Variants in COL26A1 observed in about 807,000 individuals in gnomAD.
The protein encoded by COL26A1 is collagen type XXVI alpha 1 chain.
A neutral mutation model predicts 59.3 loss-of-function variants in COL26A1; 41 were observed. The ratio of observed to expected loss-of-function variants is 0.69; its 90% CI spans 0.54 to 0.90. COL26A1 has a LOEUF of 0.90. Among genes scored for constraint, COL26A1 ranks in the 40% least tolerant of loss-of-function variants. COL26A1 has a pLI of 0.00. For missense variants in COL26A1, 612 were observed against 602.3 expected (o/e 1.02, Z -0.17); for synonymous variants, 266 against 256.0 (o/e 1.04, Z -0.37).
intron 7 of COL26A1, among the ~76,000 whole-genome samples, 188 bp downstream of exon 7, chr7:101,545,678 G>C (rs1265412593): frequency 1.3e-5 from 2 of 152,184 alleles, no homozygotes; most frequent in Non-Finnish European, 2.9e-5. Context: ...TGCCAGTGAC[G>C]ATGACAGGGA....
intron 2 of COL26A1, among the ~76,000 whole-genome samples, chr7:101,432,894 G>T (rs1230399982): frequency 6.6e-6 from 1 of 151,996 alleles, no homozygotes; most frequent in African/African-American, 2.4e-5. Context: ...TAGAGACAGG[G>T]TTTCGCCATA....
intron 2 of COL26A1, among the ~76,000 whole-genome samples, chr7:101,443,635 A>G (rs1050663107): frequency 3.3e-5 from 5 of 152,206 alleles, no homozygotes; most frequent in Non-Finnish European, 5.9e-5. Context: ...CAATGCACGT[A>G]AAGTGAATAA....
chr7:101,419,172 A>G (rs1464606273), intron 1 of COL26A1, among the ~76,000 whole-genome samples: 1 of 146,630 alleles, frequency 6.8e-6, no homozygotes, highest in Admixed American at 7.1e-5. Flanking sequence ...GCTGTAGTGA[A>G]GTAGCATGAT....
At chr7:101,371,222 G>T (rs982623525) in intron 1 of COL26A1, among the ~76,000 whole-genome samples, 3 of 152,330 alleles carry the variant, frequency 2.0e-5, no homozygotes, top group South Asian at 4.1e-4. Context: ...CTGGTGGCCT[G>T]CATGGAGGAA....
Position 101,540,041 on chromosome 7 carries a change from G to T in COL26A1, c.596G>T (p.Gly199Val). 6.2e-7 allele frequency: 1 copy of T among 1,612,004 alleles called. No individual in the cohort carries two copies. The highest frequency in any genetic ancestry group is 1.1e-5 in the South Asian group (1 of 90,946). The change falls in exon 5 of 13, where the codon GGC becomes GTC. Residue 199 changes from glycine (G) to valine (V), a missense_variant. By Grantham distance (109) the Gly-to-Val change is moderately radical (BLOSUM62 -3). Coordinates refer to ENST00000313669, the MANE Select transcript of COL26A1 (RefSeq NM_001278563.3). ...HPVPRQRRPTGPAGPPGQTGP... is the reference protein window; with the variant it reads ...HPVPRQRRPTVPAGPPGQTGP... The stretch of plus-strand genomic sequence containing the variant: ...GTGCCACGACAGAGAAGGCCCACGG[G>T]CCCAGCCGGTGAGTGAGGGCTGCAG...
intron 1 of COL26A1, among the ~76,000 whole-genome samples, chr7:101,403,853 T>C (rs1429658959): frequency 3.3e-5 from 5 of 152,172 alleles, no homozygotes; most frequent in Non-Finnish European, 5.9e-5. Context: ...CCCAGCACTT[T>C]GGGAAGCCTA....
intron 1 of COL26A1, among the ~76,000 whole-genome samples, chr7:101,375,033 C>A (rs1178386686): frequency 6.6e-6 from 1 of 151,444 alleles, no homozygotes; most frequent in Non-Finnish European, 1.5e-5. Context: ...GCACTCCAGC[C>A]TGGGTGACAG....
At chr7:101,487,540 G>A (rs755316587) in intron 3 of COL26A1, among the ~76,000 whole-genome samples, 6 of 152,002 alleles carry the variant, frequency 3.9e-5, no homozygotes, top group African/African-American at 1.2e-4. Flanking sequence ...GGGCACACTC[G>A]AGGGGCCCCA....
intron 1 of COL26A1, among the ~76,000 whole-genome samples, chr7:101,410,720 C>T (rs145572056): frequency 0.02 from 2,974 of 150,892 alleles, 40 homozygotes; most frequent in Non-Finnish European, 0.028. Flanking sequence ...TGTTTTGAGA[C>T]GGAGTCTTGC....
intron 3 of COL26A1, among the ~76,000 whole-genome samples, chr7:101,468,712 T>A (rs1793824241): frequency 6.6e-6 from 1 of 152,230 alleles, no homozygotes; most frequent in African/African-American, 2.4e-5. Flanking sequence ...TTCTGTGTCT[T>A]GAACATGTGC....
At chr7:101,509,994 C>T (rs1435562650) in intron 3 of COL26A1, among the ~76,000 whole-genome samples, 1 of 147,156 alleles carries the variant, frequency 6.8e-6, no homozygotes, top group African/African-American at 2.6e-5. Flanking sequence ...TCCCAAAGTA[C>T]TGGGATTATA....
chr7:101,523,784 T>C (rs138442723), intron 3 of COL26A1, among the ~76,000 whole-genome samples: 6 of 152,298 alleles, frequency 3.9e-5, no homozygotes, highest in Admixed American at 3.9e-4. Flanking sequence ...TCTAGTAGTA[T>C]AAATCTTTTA....
chr7:101,464,583 G>A (rs1293665159), intron 3 of COL26A1, among the ~76,000 whole-genome samples: 2 of 143,388 alleles, frequency 1.4e-5, no homozygotes, highest in Admixed American at 1.4e-4. Context: ...GGCTAATTTT[G>A]TATTTTCATT....
At chr7:101,433,183 G>A (rs1323530539) in intron 2 of COL26A1, among the ~76,000 whole-genome samples, 3 of 151,984 alleles carry the variant, frequency 2.0e-5, no homozygotes, top group Non-Finnish European at 2.9e-5. Flanking sequence ...AATTAGTTGG[G>A]CATGGTGGTG....
chr7:101,393,775 C>T (rs1791788832), intron 1 of COL26A1, among the ~76,000 whole-genome samples: 1 of 151,142 alleles, frequency 6.6e-6, no homozygotes, highest in South Asian at 2.1e-4. Flanking sequence ...GAGACAGGGT[C>T]TCACTCTGTC....
At chr7:101,551,581 T>A (rs2130681878) in intron 10 of COL26A1, among the ~76,000 whole-genome samples, 1 of 152,266 alleles carries the variant, frequency 6.6e-6, no homozygotes, top group East Asian at 1.9e-4. Flanking sequence ...ACCCTGTCTC[T>A]ACTAAAAATA....
chr7:101,461,739 A>C (rs192248097), intron 3 of COL26A1, among the ~76,000 whole-genome samples: 380 of 152,234 alleles, frequency 2.5e-3, no homozygotes, highest in Non-Finnish European at 2.5e-3. Flanking sequence ...TCACATCCAC[A>C]CTGTGGCTGG....
intron 3 of COL26A1, among the ~76,000 whole-genome samples, chr7:101,484,563 G>A (rs1794228529): frequency 6.6e-6 from 1 of 151,574 alleles, no homozygotes; most frequent in Non-Finnish European, 1.5e-5. Context: ...TGGAGACAGG[G>A]TTTCACCATG....
At chr7:101,530,951 GT>G (rs112946304) in intron 3 of COL26A1, among the ~76,000 whole-genome samples, 4,027 of 150,574 alleles carry the variant, frequency 0.027, 68 homozygotes, top group Middle Eastern at 0.035. Context: ...TTTATTTCTT[GT>G]TTTTTTTTGT....
Sources: gnomAD v4.1 joint callset for allele counts (sites outside exome capture counted in the v4.1 genomes callset) on GRCh38, gnomAD v4.1.1 for gene constraint, MANE v1.5 for transcripts, NCBI Gene and HGNC (gene_info 2026-07-23, HGNC 2026-07-21) for gene names.